N4BP2L2: variants seen among roughly 807,000 people sequenced by gnomAD.
The protein encoded by N4BP2L2 is NEDD4-binding protein 2-like 2.
A neutral mutation model predicts 56.2 loss-of-function variants in N4BP2L2; 50 were observed. The observed-to-expected ratio is 0.89, with a 90% CI of 0.71 to 1.13. The LOEUF (loss-of-function observed/expected upper bound fraction) is 1.13, where lower values mean the gene tolerates loss of function less well. N4BP2L2 is among the 50% of genes most tolerant of loss of function. N4BP2L2 has a pLI of 0.00. For synonymous variants in N4BP2L2, 203 were observed against 223.6 expected (o/e 0.91, Z 0.82); for missense variants, 689 against 693.8 (o/e 0.99, Z 0.08).
At chr13:32,512,602 T>A (rs573123543) in exon 6 of N4BP2L2, 1 of 152,236 alleles carries the variant, frequency 6.6e-6, no homozygotes, top group Non-Finnish European at 1.5e-5. Flanking sequence ...TAAATTTCTA[T>A]TGGATATACA....
intron 6 of N4BP2L2, among the ~76,000 whole-genome samples, chr13:32,498,089 G>C (rs541975214): frequency 6.6e-6 from 1 of 152,006 alleles, no homozygotes; most frequent in Non-Finnish European, 1.5e-5. Flanking sequence ...GGGTTTAAGC[G>C]ACTCTCCCAT....
rs146035483 is a variant in N4BP2L2, at chr13:32,530,701, G to C, written c.1260-3169C>G. 6.4e-3 allele frequency among the ~76,000 whole-genome samples: 972 copies of C among 152,124 alleles called. 9 individuals carry two copies. Among genetic ancestry groups the C allele is most frequent in the Middle Eastern group, 0.01 (3 of 294 alleles). The stretch of plus-strand genomic sequence containing the variant: ...CCAGGAGAAGAAATAATTTTGGCAA[G>C]TTAGATGGTAGTGGGAGAACTAAGA... On this transcript the variant is annotated intron_variant, in intron 2 of 5. Coordinates refer to ENST00000267068, the Ensembl canonical transcript of N4BP2L2.
intron 6 of N4BP2L2, chr13:32,478,475 T>C (rs993156178): frequency 3.1e-5 from 5 of 162,890 alleles, no homozygotes; most frequent in Admixed American, 1.2e-4. Context: ...GCTTGTTCTT[T>C]ATACAAGAAC....
intron 6 of N4BP2L2, among the ~76,000 whole-genome samples, chr13:32,461,147 A>G (rs1285081902): frequency 1.3e-5 from 2 of 152,214 alleles, no homozygotes; most frequent in Non-Finnish European, 2.9e-5. Context: ...AGGCCTAAGC[A>G]TAAGATCGAA....
intron 6 of N4BP2L2, among the ~76,000 whole-genome samples, chr13:32,494,868 A>T (rs2088164090): frequency 6.6e-6 from 1 of 152,126 alleles, no homozygotes; most frequent in African/African-American, 2.4e-5. Flanking sequence ...TCTATCAATA[A>T]TCTGGCTGGC....
chr13:32,529,878 A>G (rs928592243), intron 2 of N4BP2L2, among the ~76,000 whole-genome samples: 5 of 151,860 alleles, frequency 3.3e-5, no homozygotes, highest in Non-Finnish European at 5.9e-5. Flanking sequence ...GGCACGTGCC[A>G]TCACGCCCGG....
intron 9 of N4BP2L2, among the ~76,000 whole-genome samples, chr13:32,433,513 A>G (rs1012920328): frequency 1.3e-5 from 2 of 152,056 alleles, no homozygotes; most frequent in Admixed American, 1.3e-4. Flanking sequence ...GCGGGCTGTA[A>G]TCCCAGCTAT....
chr13:32,536,762 T>C lies in N4BP2L2; in HGVS notation c.266A>G (p.Asn89Ser), dbSNP rs767120773. Residue 89 changes from asparagine to serine, a missense_variant, in exon 2 of 6, where the codon AAT (asparagine) becomes AGT (serine). By Grantham distance (46) the Asn-to-Ser change is conservative. Transcript: ENST00000267068. Reference sequence around the variant, plus strand: ...AATGGATTCAATAACATCTGGTCTATTACCAGGCATCTCATCATGCAAAGG... The same window carrying C: ...AATGGATTCAATAACATCTGGTCTACTACCAGGCATCTCATCATGCAAAGG... 2.0e-5 allele frequency: 33 copies of C among 1,614,062 alleles called. No individual in the cohort carries two copies. In the African/African-American group the frequency reaches 4.0e-4, roughly 20 times the overall value.
At chr13:32,449,928 A>G (rs2077641575) in intron 6 of N4BP2L2, among the ~76,000 whole-genome samples, 1 of 152,244 alleles carries the variant, frequency 6.6e-6, no homozygotes. Flanking sequence ...TTTTAAACTA[A>G]GTGGCCATAT....
intron 6 of N4BP2L2, among the ~76,000 whole-genome samples, chr13:32,498,094 T>TC (rs1438717086): frequency 2.0e-5 from 3 of 152,154 alleles, no homozygotes; most frequent in Non-Finnish European, 4.4e-5. Flanking sequence ...TAAGCGACTC[T>TC]CCCATCTCAG....
chr13:32,458,025 T>C (rs986245365), intron 6 of N4BP2L2, among the ~76,000 whole-genome samples: 1 of 152,110 alleles, frequency 6.6e-6, no homozygotes, highest in Non-Finnish European at 1.5e-5. Context: ...ACTGGCTGTA[T>C]TGATTTGTTT....
intron 6 of N4BP2L2, among the ~76,000 whole-genome samples, chr13:32,499,777 G>A (rs2089596897): frequency 6.6e-6 from 1 of 152,122 alleles, no homozygotes; most frequent in South Asian, 2.1e-4. Context: ...TAAAGCCTTT[G>A]TTCAGGGCTG....
At chr13:32,475,263 A>AT (rs1259298869) in intron 6 of N4BP2L2, among the ~76,000 whole-genome samples, 3 of 152,180 alleles carry the variant, frequency 2.0e-5, no homozygotes, top group African/African-American at 7.2e-5. Flanking sequence ...TGGGCTATAT[A>AT]CCCTGATTTC....
chr13:32,444,296 G>A (rs529665129), intron 6 of N4BP2L2, among the ~76,000 whole-genome samples: 2 of 152,214 alleles, frequency 1.3e-5, no homozygotes, highest in African/African-American at 2.4e-5. Context: ...ATGGAGTCTC[G>A]CTTCATTGCC....
chr13:32,459,303 C>T (rs1012500579), intron 6 of N4BP2L2, among the ~76,000 whole-genome samples: 1 of 151,020 alleles, frequency 6.6e-6, no homozygotes, highest in Non-Finnish European at 1.5e-5. Flanking sequence ...AGTAAAAAAA[C>T]AGAGATCAAA....
chr13:32,444,084 G>T, exon 7 of N4BP2L2: 1 of 1,565,468 alleles, frequency 6.4e-7, no homozygotes. Flanking sequence ...TCTTCTGTTT[G>T]GTTTTGCTGA....
chr13:32,439,542 A>C lies in N4BP2L2; in HGVS notation c.2105-805T>G, dbSNP rs138134498. Reference sequence around the variant, plus strand: ...CGATTAAATCTATGGACTTCTCCCCAAAAAAATGGCACAAAATAACCCCCA... The same window carrying C: ...CGATTAAATCTATGGACTTCTCCCCCAAAAAATGGCACAAAATAACCCCCA... On this transcript the variant is annotated intron_variant, in intron 7 of 9. Transcript: ENST00000357505. Among the ~76,000 whole-genome samples the C allele has an allele frequency of 1.6e-4, 25 of 152,246 alleles. No homozygotes were observed. The East Asian group carries it at 3.3e-3, about 20-fold the overall frequency.
chr13:32,477,807 G>T, intron 6 of N4BP2L2: 1 of 1,208,312 alleles, frequency 8.3e-7, no homozygotes, highest in Non-Finnish European at 1.1e-6. Context: ...GTATACAGCT[G>T]AGAAATACTC....
chr13:32,465,362 G>A (rs1238367403), intron 6 of N4BP2L2, among the ~76,000 whole-genome samples: 1 of 152,078 alleles, frequency 6.6e-6, no homozygotes, highest in African/African-American at 2.4e-5. Context: ...TAACCAAACA[G>A]GTTACCACCC....
Sources: allele counts gnomAD v4.1 joint callset (sites outside exome capture counted in the v4.1 genomes callset), GRCh38; gene constraint gnomAD v4.1.1; transcripts MANE v1.5; gene names NCBI Gene and HGNC (gene_info 2026-07-23, HGNC 2026-07-21).